The following FYN variants were observed in gnomAD, a reference collection of about 807,000 sequenced individuals.
FYN encodes FYN proto-oncogene, Src family tyrosine kinase, also known as tyrosine-protein kinase Fyn.
A neutral mutation model predicts 70.2 loss-of-function variants in FYN; 10 were observed. The observed-to-expected ratio is 0.14, with a 90% CI of 0.09 to 0.24. The LOEUF is 0.24. Ranked by LOEUF, FYN falls within the 10% of genes least tolerant of loss-of-function variation. The pLI is 1.00. For missense variants in FYN, 319 were observed against 673.1 expected (o/e 0.47, Z 5.82); for synonymous variants, 236 against 248.6 (o/e 0.95, Z 0.48).
At chr6:111,669,438 C>CAAAAAAAAAAAAA (rs10690295) in intron 13 of FYN, among the ~76,000 whole-genome samples, 1 of 56,866 alleles carries the variant, frequency 1.8e-5, no homozygotes. Flanking sequence ...CCATCCATCT[C>CAAAAAAAAAAAAA]AAAAAAAAAA....
intron 1 of FYN, among the ~76,000 whole-genome samples, chr6:111,872,214 C>T (rs1774294902): frequency 6.6e-6 from 1 of 152,012 alleles, no homozygotes; most frequent in Non-Finnish European, 1.5e-5. Flanking sequence ...CTGGCCCAGT[C>T]CCCTCCGCCT....
chr6:111,872,493 G>A, intron 1 of FYN, among the ~76,000 whole-genome samples: 1 of 149,836 alleles, frequency 6.7e-6, no homozygotes, highest in Non-Finnish European at 1.5e-5. Context: ...GGTTGGAGAA[G>A]GCGACCGCCG....
chr6:111,788,933 C>T (rs1771503136), intron 2 of FYN, among the ~76,000 whole-genome samples: 1 of 152,050 alleles, frequency 6.6e-6, no homozygotes, highest in Non-Finnish European at 1.5e-5. Flanking sequence ...GCTTCCCCTG[C>T]CTGCAGGGGC....
At chr6:111,774,794 C>G (rs1447882535) in intron 3 of FYN, among the ~76,000 whole-genome samples, 1 of 152,130 alleles carries the variant, frequency 6.6e-6, no homozygotes, top group Non-Finnish European at 1.5e-5. Context: ...TCTCGCCTCA[C>G]TGCAACCTCC....
intron 12 of FYN, among the ~76,000 whole-genome samples, chr6:111,690,310 G>A (rs1305254186): frequency 6.6e-6 from 1 of 152,114 alleles, no homozygotes; most frequent in Non-Finnish European, 1.5e-5. Flanking sequence ...GGGGAGGGCT[G>A]GAAGGCTGAG....
chr6:111,719,133 T>C (rs552648569), intron 4 of FYN, among the ~76,000 whole-genome samples: 7 of 152,320 alleles, frequency 4.6e-5, no homozygotes, highest in Admixed American at 3.3e-4. Context: ...CTAGTTACCA[T>C]GGTTCACATA....
At chr6:111,704,970 G>A (rs1240095188) in intron 6 of FYN, among the ~76,000 whole-genome samples, 1 of 152,134 alleles carries the variant, frequency 6.6e-6, no homozygotes, top group African/African-American at 2.4e-5. Context: ...GCTGAGGCAG[G>A]AGAATTGCTT....
At chr6:111,670,226 C>G (rs1032512527) in intron 13 of FYN, among the ~76,000 whole-genome samples, 11 of 152,194 alleles carry the variant, frequency 7.2e-5, no homozygotes, top group Admixed American at 6.5e-4. Context: ...GGACCTCCTG[C>G]TCCCTCTGCT....
At chr6:111,730,995 A>G (rs1197773105) in intron 3 of FYN, among the ~76,000 whole-genome samples, 1 of 152,200 alleles carries the variant, frequency 6.6e-6, no homozygotes, top group African/African-American at 2.4e-5. Context: ...GAACTGGCCG[A>G]GGGCCCAAGG....
intron 2 of FYN, among the ~76,000 whole-genome samples, chr6:111,806,390 C>T (rs917629056): frequency 2.0e-5 from 3 of 152,150 alleles, no homozygotes; most frequent in Non-Finnish European, 2.9e-5. Flanking sequence ...GTCAGGAGGA[C>T]ACCCCTTCGG....
chr6:111,801,299 T>C (rs1771976419), intron 2 of FYN, among the ~76,000 whole-genome samples: 1 of 152,166 alleles, frequency 6.6e-6, no homozygotes, highest in South Asian at 2.1e-4. Context: ...GGGTACTGAA[T>C]TTACATATTC....
At chr6:111,717,995 G>A (rs1800747893) in intron 4 of FYN, among the ~76,000 whole-genome samples, 1 of 152,228 alleles carries the variant, frequency 6.6e-6, no homozygotes, top group South Asian at 2.1e-4. Context: ...GGTAAGAAAA[G>A]AGATTGGCTT....
chr6:111,745,489 T>G (rs1011941034), intron 3 of FYN, among the ~76,000 whole-genome samples: 2 of 152,122 alleles, frequency 1.3e-5, no homozygotes, highest in African/African-American at 4.8e-5. Context: ...AGAACAGCTC[T>G]TACAAAGGCA....
At chr6:111,781,904 T>G (rs747058058) in intron 2 of FYN, among the ~76,000 whole-genome samples, 1 of 152,252 alleles carries the variant, frequency 6.6e-6, no homozygotes, top group African/African-American at 2.4e-5. Flanking sequence ...CTATTAGGCA[T>G]AAATGATACT....
At chr6:111,790,247 T>C (rs1050628275) in intron 2 of FYN, among the ~76,000 whole-genome samples, 5 of 125,874 alleles carry the variant, frequency 4.0e-5, no homozygotes, top group Non-Finnish European at 8.4e-5. Flanking sequence ...GAACCTTAGA[T>C]ACACACACAC....
chr6:111,726,273 G>A (rs982299875), intron 3 of FYN, among the ~76,000 whole-genome samples: 1 of 152,216 alleles, frequency 6.6e-6, no homozygotes, highest in Non-Finnish European at 1.5e-5. Context: ...ACTTTGTTAG[G>A]CAGCAGCAGA....
intron 1 of FYN, among the ~76,000 whole-genome samples, chr6:111,855,076 A>G (rs566781281): frequency 6.6e-6 from 1 of 152,228 alleles, no homozygotes; most frequent in African/African-American, 2.4e-5. Context: ...TGAAACGATG[A>G]CTTTAATGTA....
intron 2 of FYN, among the ~76,000 whole-genome samples, chr6:111,835,584 G>A (rs1167758805): frequency 2.0e-5 from 3 of 152,174 alleles, no homozygotes; most frequent in African/African-American, 4.8e-5. Context: ...CATTGGCCAG[G>A]GTCGGTTCAT....
intron 3 of FYN, among the ~76,000 whole-genome samples, chr6:111,757,320 C>T (rs1802782603): frequency 6.6e-6 from 1 of 152,130 alleles, no homozygotes; most frequent in African/African-American, 2.4e-5. Context: ...AAATTTAAGA[C>T]AAACAAGTAA....
Sources: allele counts gnomAD v4.1 joint callset (sites outside exome capture counted in the v4.1 genomes callset), GRCh38; gene constraint gnomAD v4.1.1; transcripts MANE v1.5; gene names NCBI Gene and HGNC (gene_info 2026-07-23, HGNC 2026-07-21).